Variants in RBFOX1 observed in about 807,000 individuals in gnomAD.
The protein encoded by RBFOX1 is RNA binding fox-1 homolog 1.
Under a neutral mutation model 57.7 loss-of-function variants are expected in RBFOX1, and 8 were observed. The ratio of observed to expected loss-of-function variants is 0.14; its 90% CI spans 0.08 to 0.25. RBFOX1 has a LOEUF of 0.25. Ranked by LOEUF, RBFOX1 falls within the 10% of genes least tolerant of loss-of-function variation. The pLI, the probability that RBFOX1 is intolerant of heterozygous loss-of-function variation, is 1.00. For synonymous variants in RBFOX1, 326 were observed against 222.4 expected (o/e 1.47, Z -4.15); for missense variants, 611 against 548.5 (o/e 1.11, Z -1.14).
At chr16:6,126,104 T>C (rs1004500437) in intron 1 of RBFOX1, among the ~76,000 whole-genome samples, 1 of 152,234 alleles carries the variant, frequency 6.6e-6, no homozygotes, top group African/African-American at 2.4e-5. Context: ...ATATGGTGTT[T>C]ACTTGCATTT....
At chr16:5,901,198 G>C (rs1272203537) in intron 4 of RBFOX1, among the ~76,000 whole-genome samples, 2 of 152,176 alleles carry the variant, frequency 1.3e-5, no homozygotes, top group Non-Finnish European at 2.9e-5. Flanking sequence ...CCTAAGGGCT[G>C]TATGTGGGGG....
intron 1 of RBFOX1, among the ~76,000 whole-genome samples, chr16:6,239,440 T>C (rs2097527975): frequency 1.3e-5 from 2 of 150,122 alleles, no homozygotes; most frequent in Admixed American, 1.3e-4. Context: ...GAATTGTTAA[T>C]GGAGTCCCAC....
At chr16:5,590,567 G>A (rs1057022921) in intron 2 of RBFOX1, among the ~76,000 whole-genome samples, 2 of 152,248 alleles carry the variant, frequency 1.3e-5, no homozygotes, top group African/African-American at 4.8e-5. Context: ...ACTGTGATTC[G>A]GGGCGTGATG....
chr16:5,804,495 G>A (rs7199155), intron 3 of RBFOX1, among the ~76,000 whole-genome samples: 18,983 of 152,188 alleles, frequency 0.12, 2,036 homozygotes, highest in African/African-American at 0.29. Flanking sequence ...AGTCCCTGGG[G>A]TATTTCCTAA....
intron 2 of RBFOX1, among the ~76,000 whole-genome samples, 198 bp from the exon 3 acceptor site, chr16:6,654,405 C>A (rs919794891): frequency 1.3e-5 from 2 of 152,176 alleles, no homozygotes; most frequent in Non-Finnish European, 2.9e-5. Flanking sequence ...TTATGAGATA[C>A]ATATGTCTCT....
At chr16:5,976,623 C>G (rs2060068219) in intron 4 of RBFOX1, among the ~76,000 whole-genome samples, 1 of 152,126 alleles carries the variant, frequency 6.6e-6, no homozygotes, top group African/African-American at 2.4e-5. Context: ...AGTCCCAGGA[C>G]TTTGGGAGGC....
intron 4 of RBFOX1, among the ~76,000 whole-genome samples, chr16:7,334,365 G>T (rs1478598976): frequency 6.6e-6 from 1 of 152,122 alleles, no homozygotes; most frequent in African/African-American, 2.4e-5. Context: ...GTATGATAAG[G>T]TTGCCATTTC....
In RBFOX1 at chr16:6,004,060, T is replaced by G. The variant is rs190532417; in HGVS notation, c.351+136725T>G. ...GCACGGTGATTAAGAATATGTACTC[T>G]AGGATAAATAGCTAATGCATGTGGG... On this transcript the variant is annotated intron_variant, in intron 4 of 19. Transcript: ENST00000641259. Among the ~76,000 whole-genome samples, 11 of 152,316 alleles carry G rather than the reference T, an allele frequency of 7.2e-5. No individual in the cohort carries two copies. In the East Asian group the frequency reaches 2.1e-3, roughly 29 times the overall value.
intron 1 of RBFOX1, among the ~76,000 whole-genome samples, chr16:6,160,420 T>C (rs2096869576): frequency 6.6e-6 from 1 of 152,186 alleles, no homozygotes; most frequent in Admixed American, 6.5e-5. Flanking sequence ...TTGTCTAAAA[T>C]AGGGAAGTCA....
intron 4 of RBFOX1, among the ~76,000 whole-genome samples, chr16:7,413,028 C>A (rs565012491): frequency 6.6e-6 from 1 of 151,080 alleles, no homozygotes; most frequent in Admixed American, 6.6e-5. Flanking sequence ...GGCGAAAGAG[C>A]GAGACTCCGT....
rs550424958 is a variant in RBFOX1, at chr16:7,127,387, A to C, written c.27+75289A>C. Among the ~76,000 whole-genome samples the C allele has an allele frequency of 1.5e-3, 222 of 152,326 alleles. 1 individual carries two copies. The highest frequency in any genetic ancestry group is 5.1e-3 in the African/African-American group (212 of 41,582). On this transcript the variant is annotated intron_variant, in intron 4 of 15. Transcript: ENST00000550418. ...TTTTGTAAATAATAACTTATTTGAT[A>C]CTTATTATCACCCTATGCACTTAGC...
At chr16:5,869,950 C>T (rs1377140700) in intron 4 of RBFOX1, among the ~76,000 whole-genome samples, 1 of 151,848 alleles carries the variant, frequency 6.6e-6, no homozygotes, top group Non-Finnish European at 1.5e-5. Context: ...ACAGATCAAT[C>T]AATAGTGGTG....
intron 2 of RBFOX1, among the ~76,000 whole-genome samples, chr16:5,597,796 T>C (rs1442027138): frequency 2.0e-5 from 3 of 152,104 alleles, no homozygotes; most frequent in African/African-American, 7.2e-5. Flanking sequence ...ACGAAGGCTT[T>C]GGGAATACTA....
chr16:5,842,108 G>A (rs1470245548), intron 3 of RBFOX1, among the ~76,000 whole-genome samples: 1 of 152,178 alleles, frequency 6.6e-6, no homozygotes, highest in African/African-American at 2.4e-5. Context: ...TTCCTGGAGA[G>A]AGGCCTGGAA....
intron 4 of RBFOX1, among the ~76,000 whole-genome samples, chr16:7,137,185 T>C (rs541452416): frequency 3.3e-5 from 5 of 152,310 alleles, no homozygotes; most frequent in African/African-American, 9.6e-5. Flanking sequence ...AGTCTAATCT[T>C]TACTGAGCTA....
At chr16:7,585,243 C>T (rs147825801) in intron 6 of RBFOX1, among the ~76,000 whole-genome samples, 16 of 152,242 alleles carry the variant, frequency 1.1e-4, no homozygotes, top group African/African-American at 2.6e-4. Flanking sequence ...ATTCAGCTCA[C>T]GTTTGAATGG....
At chr16:7,436,860 G>C (rs113013971) in intron 4 of RBFOX1, among the ~76,000 whole-genome samples, 3,404 of 152,256 alleles carry the variant, frequency 0.022, 40 homozygotes, top group Middle Eastern at 0.037. Flanking sequence ...TTAGGAGTTT[G>C]AGACCAGCCT....
At chr16:6,508,935 C>G (rs548756841) in intron 2 of RBFOX1, among the ~76,000 whole-genome samples, 1 of 151,686 alleles carries the variant, frequency 6.6e-6, no homozygotes, top group African/African-American at 2.4e-5. Context: ...ATCTGTGCCT[C>G]AGGTTGAGAC....
chr16:5,991,358 G>T (rs1427651512), intron 4 of RBFOX1, among the ~76,000 whole-genome samples: 1 of 152,206 alleles, frequency 6.6e-6, no homozygotes, highest in Non-Finnish European at 1.5e-5. Context: ...GGTAGCTACA[G>T]CTCACAGTTA....
Sources: allele counts gnomAD v4.1 joint callset (sites outside exome capture counted in the v4.1 genomes callset), GRCh38; gene constraint gnomAD v4.1.1; transcripts MANE v1.5; gene names NCBI Gene and HGNC (gene_info 2026-07-23, HGNC 2026-07-21).